SLC4A4: variants seen among roughly 807,000 people sequenced by gnomAD.
SLC4A4 encodes solute carrier family 4 member 4, also known as electrogenic sodium bicarbonate cotransporter 1.
Under a neutral mutation model 111.5 loss-of-function variants are expected in SLC4A4, and 27 were observed. The observed-to-expected ratio is 0.24, with a 90% CI of 0.18 to 0.33. The LOEUF (loss-of-function observed/expected upper bound fraction) is 0.33. Ranked by LOEUF, SLC4A4 falls within the 10% of genes least tolerant of loss-of-function variation. The probability of loss-of-function intolerance (pLI) is 1.00; values close to 1 mark genes in which losing one functional copy is unlikely to be tolerated. For synonymous variants in SLC4A4, 443 were observed against 463.4 expected (o/e 0.96, Z 0.57); for missense variants, 909 against 1,315.5 (o/e 0.69, Z 4.78).
intron 3 of SLC4A4, among the ~76,000 whole-genome samples, chr4:71,289,234 C>T (rs1724141980): frequency 1.3e-5 from 2 of 152,102 alleles, no homozygotes; most frequent in Admixed American, 1.3e-4. Context: ...AGGGAAAAGG[C>T]CAATAATGGA....
intron 15 of SLC4A4, among the ~76,000 whole-genome samples, chr4:71,497,034 G>C (rs1008175263): frequency 6.6e-6 from 1 of 152,148 alleles, no homozygotes; most frequent in Non-Finnish European, 1.5e-5. Context: ...AGTGCTTGGT[G>C]AGTAGTTAAC....
chr4:71,543,766 G>A (rs1735272847), intron 18 of SLC4A4, among the ~76,000 whole-genome samples: 1 of 151,982 alleles, frequency 6.6e-6, no homozygotes, highest in East Asian at 1.9e-4. Flanking sequence ...TTACCCTGCT[G>A]GTACTTCTAA....
intron 2 of SLC4A4, among the ~76,000 whole-genome samples, chr4:71,120,305 T>C (rs1951847051): frequency 6.6e-6 from 1 of 152,196 alleles, no homozygotes; most frequent in African/African-American, 2.4e-5. Flanking sequence ...ATGATCATGG[T>C]TCCAGGTTTC....
In SLC4A4 at chr4:71,271,415, A is replaced by G. The variant is rs78009150; in HGVS notation, c.253+16016A>G. Among the ~76,000 whole-genome samples, 353 of 152,328 alleles carry G rather than the reference A, an allele frequency of 2.3e-3. 5 individuals carry two copies. The highest frequency in any genetic ancestry group is 0.019 in the Admixed American group (291 of 15,302). ...CCAGAAATGAATTAATGTGTTGGCT[A>G]GTTAATAGCTTCTCACATTCTACAA... On this transcript the variant is annotated intron_variant, in intron 3 of 25. Transcript: ENST00000264485.
In SLC4A4 at chr4:71,104,150, G is replaced by A. The variant is rs1387883138; in HGVS notation, c.-2+11358G>A. On this transcript the variant is annotated intron_variant, in intron 2 of 26. Transcript: ENST00000649996. ...CAGAGAATACTACAAACACCTCTACGCAAATAAACTAGAAAATCTAGAAGA... is the reference window on the plus strand; with the variant it reads ...CAGAGAATACTACAAACACCTCTACACAAATAAACTAGAAAATCTAGAAGA... Among the ~76,000 whole-genome samples the A allele has an allele frequency of 6.4e-4, 19 of 29,476 alleles. No individual in the cohort carries two copies. In the East Asian group the frequency reaches 9.9e-3, roughly 15 times the overall value. The allele number at this position is 29,476 out of a possible 152,430, so 19.3% of individuals were successfully genotyped here. A position where few individuals can be genotyped will look rare whatever the true frequency, so the allele number is the denominator to read the frequency against.
intron 18 of SLC4A4, among the ~76,000 whole-genome samples, chr4:71,537,443 GTA>G (rs955935862): frequency 1.4e-4 from 10 of 69,250 alleles, no homozygotes; most frequent in South Asian, 4.9e-4. Context: ...GTGTGTGTGT[GTA>G]TATATAGAGA....
chr4:71,236,606 G>A lies in SLC4A4; in HGVS notation c.30G>A (p.Gly10=). 6.2e-7 allele frequency: 1 copy of A among 1,613,850 alleles called. No individual in the cohort carries two copies. Reference sequence around the variant, plus strand: ...AGGATGAAGCTGTCCTGGACAGAGGGGCTTCCTTCCTCAAGCATGTGTGTG... The same window carrying A: ...AGGATGAAGCTGTCCTGGACAGAGGAGCTTCCTTCCTCAAGCATGTGTGTG... MEDEAVLDR[G]ASFLKHVCDE... The change falls in exon 2 of 26, where the codon GGG becomes GGA. Residue 10 remains glycine, a synonymous_variant. Transcript: ENST00000264485.
At chr4:71,116,937 C>A (rs1412280797) in intron 2 of SLC4A4, among the ~76,000 whole-genome samples, 1 of 145,360 alleles carries the variant, frequency 6.9e-6, no homozygotes, top group African/African-American at 2.6e-5. Flanking sequence ...GAGCGAAACT[C>A]CATCTCAAAA....
chr4:71,456,343 T>G (rs1374590495), intron 12 of SLC4A4, among the ~76,000 whole-genome samples: 1 of 152,160 alleles, frequency 6.6e-6, no homozygotes, highest in Non-Finnish European at 1.5e-5. Flanking sequence ...AAAAGAGGCA[T>G]AGAAAATTAA....
chr4:71,405,679 CTT>C (rs1158709230), intron 7 of SLC4A4, among the ~76,000 whole-genome samples: 1 of 152,154 alleles, frequency 6.6e-6, no homozygotes, highest in Admixed American at 6.6e-5. Flanking sequence ...TCTTTAAACA[CTT>C]TATTGAATCC....
Position 71,164,295 on chromosome 4 carries a change from C to T in SLC4A4, c.-2+71503C>T, listed in dbSNP as rs1006300149. 1.3e-4 allele frequency among the ~76,000 whole-genome samples: 20 copies of T among 151,322 alleles called. No individual in the cohort carries two copies. The East Asian group carries it at 2.7e-3, about 21-fold the overall frequency. On this transcript the variant is annotated intron_variant, in intron 2 of 26. Transcript: ENST00000649996. ...ACTCAAGAGAGTGAGACAGGAGAAT[C>T]GCTTGAACCTGGGAGGTGGAGGTTG...
chr4:71,321,642 C>T (rs1424118931), intron 3 of SLC4A4, among the ~76,000 whole-genome samples: 1 of 151,836 alleles, frequency 6.6e-6, no homozygotes, highest in Non-Finnish European at 1.5e-5. Context: ...CTTGGAGTGT[C>T]ATAATATGGC....
intron 2 of SLC4A4, among the ~76,000 whole-genome samples, chr4:71,121,601 G>A (rs1266955688): frequency 1.3e-5 from 2 of 152,202 alleles, no homozygotes; most frequent in Non-Finnish European, 2.9e-5. Flanking sequence ...CTAGAGGATT[G>A]TAAATGCACC....
intron 7 of SLC4A4, among the ~76,000 whole-genome samples, chr4:71,416,691 AATTATTATT>A (rs201948798): frequency 6.6e-6 from 1 of 151,460 alleles, no homozygotes; most frequent in African/African-American, 2.4e-5. Flanking sequence ...AAACATTTTA[AATTATTATT>A]ATTATTATTA....
chr4:71,153,357 C>T (rs1305706172), intron 2 of SLC4A4, among the ~76,000 whole-genome samples: 1 of 152,108 alleles, frequency 6.6e-6, no homozygotes, highest in Non-Finnish European at 1.5e-5. Context: ...TACCGACACA[C>T]CCAGGATCAA....
At position 71,568,343 on chromosome 4, in the gene SLC4A4, G is replaced by GCT. The variant is rs1315693335; in HGVS notation, c.*596_*597dup. ...GACAGAGTCCCTTCTCACTTATAGA[G>GCT]CTCTCCAGGACTGGAAAAAGTGCTG... On this transcript the variant is annotated 3_prime_UTR_variant, in exon 26 of 26. Transcript: ENST00000264485. 3 of 157,414 alleles carry GCT rather than the reference G, an allele frequency of 1.9e-5. No individual in the cohort carries two copies. The highest frequency in any genetic ancestry group is 7.2e-5 in the African/African-American group (3 of 41,390). The allele number at this position is 157,414 out of a possible 1,614,324, so 9.8% of individuals were successfully genotyped here.
intron 15 of SLC4A4, among the ~76,000 whole-genome samples, chr4:71,491,856 G>T (rs1172172501): frequency 1.3e-5 from 2 of 151,642 alleles, no homozygotes; most frequent in African/African-American, 4.8e-5. Flanking sequence ...TGGTAAAACT[G>T]GTGGTTATAC....
intron 7 of SLC4A4, among the ~76,000 whole-genome samples, chr4:71,432,514 A>C (rs975398180): frequency 6.6e-6 from 1 of 152,104 alleles, no homozygotes; most frequent in African/African-American, 2.4e-5. Context: ...GTAAGATGTA[A>C]ATTTTTTTAA....
chr4:71,151,147 A>G (rs1482086803), intron 2 of SLC4A4, among the ~76,000 whole-genome samples: 1 of 152,216 alleles, frequency 6.6e-6, no homozygotes, highest in Non-Finnish European at 1.5e-5. Flanking sequence ...GATGGTGAAT[A>G]TTTAGAACAT....
Sources: allele counts gnomAD v4.1 joint callset (sites outside exome capture counted in the v4.1 genomes callset), GRCh38; gene constraint gnomAD v4.1.1; transcripts MANE v1.5; gene names NCBI Gene and HGNC (gene_info 2026-07-23, HGNC 2026-07-21).